Variants in ARHGAP29 observed in about 807,000 individuals in gnomAD.
ARHGAP29 encodes rho GTPase-activating protein 29.
A neutral mutation model predicts 122.6 loss-of-function variants in ARHGAP29; 43 were observed. That is an observed-to-expected ratio of 0.35 (90% CI 0.27 to 0.45). The LOEUF is 0.45. Ranked by LOEUF, ARHGAP29 falls within the 20% of genes least tolerant of loss-of-function variation. The pLI is 1.00. For synonymous variants in ARHGAP29, 506 were observed against 497.1 expected, an observed-to-expected ratio of 1.02 and a Z score of -0.24; for missense variants, 1,303 against 1,477.2, an observed-to-expected ratio of 0.88 and a Z score of 1.93.
At chr1:94,250,785 G>A (rs997849398) in intron 1 of ARHGAP29, among the ~76,000 whole-genome samples, 14 of 152,124 alleles carry the variant, frequency 9.2e-5, no homozygotes, top group Non-Finnish European at 1.6e-4. Flanking sequence ...CTCATGTTAC[G>A]TCCAAATTAA....
chr1:94,231,798 TAATC>T (rs372780787), intron 1 of ARHGAP29, among the ~76,000 whole-genome samples, 155 bp from the exon 2 acceptor site: 11 of 152,146 alleles, frequency 7.2e-5, no homozygotes, highest in Non-Finnish European at 1.6e-4. Flanking sequence ...CAAAAATCAA[TAATC>T]AATCACTGTA....
chr1:94,280,576 G>C, the ARHGAP29 span, among the ~76,000 whole-genome samples: 1 of 152,194 alleles, frequency 6.6e-6, no homozygotes, highest in Non-Finnish European at 1.5e-5. Flanking sequence ...AGGAGGAGAA[G>C]AGTGATCCTG....
At chr1:94,285,338 G>T in the ARHGAP29 span, among the ~76,000 whole-genome samples, 6 of 151,212 alleles carry the variant, frequency 4.0e-5, no homozygotes, top group Admixed American at 2.0e-4. Flanking sequence ...GCAGATACAG[G>T]TTAAAAAAAA....
chr1:94,219,017 C>T (rs1234990916), intron 3 of ARHGAP29, among the ~76,000 whole-genome samples: 2 of 152,028 alleles, frequency 1.3e-5, no homozygotes, highest in African/African-American at 2.4e-5. Context: ...GACTCAGGAC[C>T]GGCAATCCCT....
chr1:94,222,511 GAA>G (rs908946139), intron 2 of ARHGAP29, among the ~76,000 whole-genome samples: 30 of 152,252 alleles, frequency 2.0e-4, no homozygotes, highest in African/African-American at 6.5e-4. Context: ...CTAATGAGGA[GAA>G]AAACGTCAGG....
intron 1 of ARHGAP29, among the ~76,000 whole-genome samples, chr1:94,263,868 G>A (rs1003811572): frequency 6.6e-6 from 1 of 152,050 alleles, no homozygotes; most frequent in Non-Finnish European, 1.5e-5. Context: ...ATGATTTAAC[G>A]TGGCCACATA....
At chr1:94,226,963 G>GT (rs1484002211) in intron 2 of ARHGAP29, among the ~76,000 whole-genome samples, 1 of 151,894 alleles carries the variant, frequency 6.6e-6, no homozygotes. Flanking sequence ...AATGGTAAAA[G>GT]TAACAATGCA....
chr1:94,220,202 A>G (rs551511682), intron 3 of ARHGAP29, 56 bp downstream of exon 3: 2 of 1,602,814 alleles, frequency 1.2e-6, no homozygotes, highest in Admixed American at 1.7e-5. Flanking sequence ...AGACCAAAAT[A>G]TATCACTTGG....
chr1:94,197,704 C>T (rs751613585), intron 12 of ARHGAP29, among the ~76,000 whole-genome samples: 3 of 152,234 alleles, frequency 2.0e-5, no homozygotes, highest in Middle Eastern at 3.4e-3. Flanking sequence ...TAGGTCCACA[C>T]TCATGTATTA....
chr1:94,222,039 G>A (rs1652328549), intron 2 of ARHGAP29, among the ~76,000 whole-genome samples: 1 of 151,352 alleles, frequency 6.6e-6, no homozygotes, highest in African/African-American at 2.4e-5. Flanking sequence ...CATGTCAAAG[G>A]TGCACAGGAA....
At chr1:94,180,393 CTGT>C (rs1329291464) in intron 19 of ARHGAP29, among the ~76,000 whole-genome samples, 1 of 152,182 alleles carries the variant, frequency 6.6e-6, no homozygotes, top group Non-Finnish European at 1.5e-5. Context: ...CAAGAAGACA[CTGT>C]TAACATTTTA....
At chr1:94,182,308 T>A (rs1649526444) in intron 19 of ARHGAP29, among the ~76,000 whole-genome samples, 1 of 151,780 alleles carries the variant, frequency 6.6e-6, no homozygotes, top group South Asian at 2.1e-4. Context: ...AGAGAAAAGA[T>A]AAGGGAACTA....
At chr1:94,282,788 G>A in the ARHGAP29 span, among the ~76,000 whole-genome samples, 4 of 152,272 alleles carry the variant, frequency 2.6e-5, no homozygotes, top group East Asian at 7.7e-4. Flanking sequence ...GCTTCATACT[G>A]CAGAAGAAGA....
chr1:94,171,693 G>T lies in ARHGAP29; in HGVS notation c.*2176C>A, dbSNP rs143547659. The T allele has an allele frequency of 6.6e-6, 1 of 152,068 alleles. No homozygotes were observed. The highest frequency in any genetic ancestry group is 2.4e-5 in the African/African-American group (1 of 41,378). The allele number at this position is 152,068 out of a possible 1,614,324, so 9.4% of individuals were successfully genotyped here. On this transcript the variant is annotated 3_prime_UTR_variant, in exon 23 of 23. Transcript: ENST00000260526. ...AGCATCTAGAGGCTTAAGGCTCTAC[G>T]CTGGACAAAGTGCCAGGGAGCCCTA...
intron 12 of ARHGAP29, among the ~76,000 whole-genome samples, chr1:94,196,190 A>G (rs1650439970): frequency 6.6e-6 from 1 of 151,626 alleles, no homozygotes; most frequent in African/African-American, 2.4e-5. Flanking sequence ...TCAAGTGTAC[A>G]TGTGGAAAAT....
intron 12 of ARHGAP29, among the ~76,000 whole-genome samples, chr1:94,200,688 T>C (rs1187125006): frequency 1.3e-5 from 2 of 152,210 alleles, no homozygotes; most frequent in African/African-American, 4.8e-5. Context: ...AGTCATACAA[T>C]GGAATTCTGC....
intron 1 of ARHGAP29, among the ~76,000 whole-genome samples, chr1:94,272,013 C>G (rs1029529241): frequency 6.6e-6 from 1 of 152,078 alleles, no homozygotes; most frequent in Non-Finnish European, 1.5e-5. Flanking sequence ...CAGGGATGAG[C>G]CCAGGTTATC....
Position 94,172,152 on chromosome 1 carries a change from TG to T in ARHGAP29, c.*1716del, listed in dbSNP as rs1004620313. ...GATTTGACTCCACCTGTTACACCTG[TG>T]GAACACTGAAGCAAGTCATTTAACT... On this transcript the variant is annotated 3_prime_UTR_variant, in exon 23 of 23. Transcript: ENST00000260526. 6.6e-6 allele frequency: 1 copy of T among 152,194 alleles called. No homozygotes were observed. The highest frequency in any genetic ancestry group is 2.4e-5 in the African/African-American group (1 of 41,450). 9.4% of individuals were successfully genotyped at this position (152,194 alleles called of 1,614,324 possible).
the ARHGAP29 span, among the ~76,000 whole-genome samples, chr1:94,282,952 G>A: frequency 6.6e-6 from 1 of 152,102 alleles, no homozygotes; most frequent in Non-Finnish European, 1.5e-5. Flanking sequence ...AAGGAAGGAT[G>A]TCTTTCCCTC....
Sources: gnomAD v4.1 joint callset for allele counts (sites outside exome capture counted in the v4.1 genomes callset) on GRCh38, gnomAD v4.1.1 for gene constraint, MANE v1.5 for transcripts, NCBI Gene and HGNC (gene_info 2026-07-23, HGNC 2026-07-21) for gene names.